Variants in TARS3 observed in about 807,000 individuals in gnomAD.
TARS3 encodes threonyl-tRNA synthetase 3.
A neutral mutation model predicts 103.5 loss-of-function variants in TARS3; 94 were observed. The ratio of observed to expected loss-of-function variants is 0.91; its 90% CI spans 0.77 to 1.08. The LOEUF is 1.08. Among genes scored for constraint, TARS3 ranks in the 50% least tolerant of loss-of-function variants. TARS3 has a pLI of 0.00. For synonymous variants in TARS3, 416 were observed against 355.4 expected, an observed-to-expected ratio of 1.17 and a Z score of -1.92; for missense variants, 952 against 995.2, an observed-to-expected ratio of 0.96 and a Z score of 0.58.
Position 101,703,798 on chromosome 15 carries a change from A to G in TARS3, c.1074+61T>C. ...AGATATGATTGAATAAGATATGATT[A>G]AAATCCTTTAATAGCTAGTGCACCT... On this transcript the variant is annotated intron_variant, in intron 8 of 18. Transcript: ENST00000335968. The G allele has an allele frequency of 6.0e-6, 6 of 1,008,192 alleles. No individual in the cohort carries two copies. In the South Asian group the frequency reaches 8.1e-5, roughly 14 times the overall value. 62.5% of individuals were successfully genotyped at this position (1,008,192 alleles called of 1,614,324 possible). A position where few individuals can be genotyped will look rare whatever the true frequency, so the allele number is the denominator to read the frequency against.
At chr15:101,673,907 T>A (rs1300026390) in intron 13 of TARS3, among the ~76,000 whole-genome samples, 3 of 152,220 alleles carry the variant, frequency 2.0e-5, no homozygotes, top group Admixed American at 2.0e-4. Context: ...CTCTGATTCT[T>A]ATTTCTCATA....
Position 101,654,606 on chromosome 15 carries a change from T to G in TARS3, c.2385A>C (p.Thr795=). 4.3e-6 allele frequency: 7 copies of G among 1,614,020 alleles called. No individual in the cohort carries two copies. The highest frequency in any genetic ancestry group is 5.9e-6 in the Non-Finnish European group (7 of 1,180,002). The change falls in exon 19 of 19, where the codon ACA becomes ACC. Residue 795 remains threonine, a synonymous_variant. Coordinates refer to ENST00000335968, the MANE Select transcript of TARS3 (RefSeq NM_152334.3). ...DKLKNLRKTR[T]LNAEEAF is the part of the protein sequence containing the mutation. ...TTCAAAAGGCCTCCTCAGCATTGAGTGTCCGTGTCTTCCTGAGATTCTTCA... is the reference window on the plus strand; with the variant it reads ...TTCAAAAGGCCTCCTCAGCATTGAGGGTCCGTGTCTTCCTGAGATTCTTCA...
chr15:101,681,569 A>G (rs1001487354), intron 12 of TARS3, among the ~76,000 whole-genome samples: 1 of 152,222 alleles, frequency 6.6e-6, no homozygotes, highest in East Asian at 1.9e-4. Flanking sequence ...TATTCTTCAC[A>G]GTTCTGCAGG....
intron 11 of TARS3, 117 bp from the exon 12 acceptor site, chr15:101,684,354 T>A (rs1898378448): frequency 9.6e-7 from 1 of 1,043,142 alleles, no homozygotes; most frequent in African/African-American, 1.6e-5. Context: ...ATTCTAGTTC[T>A]TAGATCACCA....
Position 101,703,838 on chromosome 15 carries a change from TAAA to T in TARS3, c.1074+18_1074+20del. The T allele has an allele frequency of 1.1e-5, 17 of 1,519,498 alleles. No individual in the cohort carries two copies. The highest frequency in any genetic ancestry group is 1.5e-5 in the Non-Finnish European group (17 of 1,097,450). The allele number at this position is 1,519,498 out of a possible 1,614,324, so 94.1% of individuals were successfully genotyped here. On this transcript the variant is annotated intron_variant, in intron 8 of 18. Transcript: ENST00000335968. ...CTAGTGCACCTTAAGTTTACTGTAT[TAAA>T]AAAAAATCAATCCTTACCTTAAAAA...
intron 15 of TARS3, among the ~76,000 whole-genome samples, chr15:101,669,514 C>G (rs903379374): frequency 1.3e-5 from 2 of 152,212 alleles, no homozygotes; most frequent in Admixed American, 1.3e-4. Context: ...CATATACTTA[C>G]AACTTACTGA....
chr15:101,667,900 A>G (rs1897645062), intron 15 of TARS3, among the ~76,000 whole-genome samples: 1 of 152,064 alleles, frequency 6.6e-6, no homozygotes, highest in Non-Finnish European at 1.5e-5. Context: ...GGCCCTGGAG[A>G]TGGTTCTTTT....
At chr15:101,672,624 A>G (rs1255901611) in intron 13 of TARS3, among the ~76,000 whole-genome samples, 2 of 149,868 alleles carry the variant, frequency 1.3e-5, no homozygotes, top group Non-Finnish European at 3.0e-5. Flanking sequence ...TGACTCCTGG[A>G]GTCCTGGCAG....
intron 10 of TARS3, chr15:101,699,540 TGATTTTCCAGAGAA>T: frequency 2.3e-6 from 1 of 434,616 alleles, no homozygotes; most frequent in Non-Finnish European, 4.6e-6. Context: ...GGGGCCATGC[TGATTTTCCAGAGAA>T]GACAGCACAT....
chr15:101,709,079 G>A (rs1407012002), intron 5 of TARS3, among the ~76,000 whole-genome samples, 169 bp from the exon 6 acceptor site: 2 of 152,206 alleles, frequency 1.3e-5, no homozygotes, highest in Non-Finnish European at 2.9e-5. Context: ...CTCAGTGAGG[G>A]AGACTGGGCA....
At chr15:101,704,068 G>T in intron 7 of TARS3, 131 bp from the exon 8 acceptor site, 1 of 587,578 alleles carries the variant, frequency 1.7e-6, no homozygotes, top group Non-Finnish European at 2.9e-6. Context: ...TTTTAATTTA[G>T]GGTGAAGGAG....
chr15:101,709,282 T>C (rs1034570427), intron 5 of TARS3, among the ~76,000 whole-genome samples: 1 of 152,256 alleles, frequency 6.6e-6, no homozygotes, highest in African/African-American at 2.4e-5. Flanking sequence ...CCTCACTGGC[T>C]ATGGAACCAA....
At chr15:101,698,319 C>T (rs1008742008) in intron 10 of TARS3, among the ~76,000 whole-genome samples, 9 of 151,492 alleles carry the variant, frequency 5.9e-5, no homozygotes, top group African/African-American at 1.5e-4. Context: ...GGCGACACAG[C>T]GAGACTCTGT....
chr15:101,698,578 C>G (rs534050889), intron 10 of TARS3, among the ~76,000 whole-genome samples: 1 of 152,168 alleles, frequency 6.6e-6, no homozygotes, highest in Non-Finnish European at 1.5e-5. Context: ...TACTCTACCC[C>G]ACTCCTTTTT....
intron 13 of TARS3, among the ~76,000 whole-genome samples, chr15:101,674,738 G>A (rs1596295135): frequency 6.6e-6 from 1 of 151,658 alleles, no homozygotes; most frequent in Non-Finnish European, 1.5e-5. Context: ...CCGGGAGGTG[G>A]AGCTTGCAGT....
At chr15:101,670,073 C>T (rs967561682) in intron 15 of TARS3, among the ~76,000 whole-genome samples, 3 of 152,060 alleles carry the variant, frequency 2.0e-5, no homozygotes, top group African/African-American at 4.8e-5. Flanking sequence ...TAATATAAAA[C>T]ATAGAAGAAA....
chr15:101,676,826 T>C (rs1898047528), intron 12 of TARS3, among the ~76,000 whole-genome samples: 1 of 150,428 alleles, frequency 6.6e-6, no homozygotes, highest in South Asian at 2.1e-4. Context: ...TTTAAGTTCC[T>C]GGGTGCACGT....
intron 15 of TARS3, among the ~76,000 whole-genome samples, chr15:101,671,162 C>T (rs916579206): frequency 2.1e-4 from 32 of 152,142 alleles, no homozygotes; most frequent in African/African-American, 7.5e-4. Context: ...TTCAAGAAAA[C>T]ATCTCATCCT....
chr15:101,676,818 T>A (rs1898046871), intron 12 of TARS3, among the ~76,000 whole-genome samples: 3 of 148,920 alleles, frequency 2.0e-5, no homozygotes, highest in African/African-American at 5.1e-5. Context: ...TTTTTTTTTT[T>A]AAGTTCCTGG....
Sources: allele counts gnomAD v4.1 joint callset (sites outside exome capture counted in the v4.1 genomes callset), GRCh38; gene constraint gnomAD v4.1.1; transcripts MANE v1.5; gene names NCBI Gene and HGNC (gene_info 2026-07-23, HGNC 2026-07-21).